Variants in EYA4 observed in about 807,000 individuals in gnomAD.
EYA4 encodes the protein EYA transcriptional coactivator and phosphatase 4.
A neutral mutation model predicts 87.9 loss-of-function variants in EYA4; 31 were observed. That is an observed-to-expected ratio of 0.35 (90% confidence interval 0.27 to 0.48). The LOEUF (loss-of-function observed/expected upper bound fraction) is 0.48. Ranked by LOEUF, EYA4 falls within the 20% of genes least tolerant of loss-of-function variation. The probability of loss-of-function intolerance (pLI) is 0.99; values close to 1 mark genes in which losing one functional copy is unlikely to be tolerated. For missense variants in EYA4, 678 were observed against 761.4 expected, an observed-to-expected ratio of 0.89 and a Z score of 1.29; for synonymous variants, 263 against 270.6, an observed-to-expected ratio of 0.97 and a Z score of 0.28.
chr6:133,279,141 A>G (rs1370084359), intron 2 of EYA4, among the ~76,000 whole-genome samples: 1 of 152,176 alleles, frequency 6.6e-6, no homozygotes, highest in Non-Finnish European at 1.5e-5. Context: ...AGTCTGGCCT[A>G]AATTAATGAT....
intron 1 of EYA4, among the ~76,000 whole-genome samples, chr6:133,243,132 C>T (rs1210351726): frequency 9.5e-6 from 1 of 105,042 alleles, no homozygotes; most frequent in African/African-American, 3.3e-5. Flanking sequence ...TGTACTTGAT[C>T]TGTGAGGAGG....
chr6:133,381,508 G>A (rs1378473043), intron 2 of EYA4, among the ~76,000 whole-genome samples: 2 of 151,114 alleles, frequency 1.3e-5, no homozygotes, highest in African/African-American at 2.4e-5. Context: ...ATTTTTTTTT[G>A]CTTCCAAACC....
chr6:133,475,029 T>C (rs1176011729), intron 11 of EYA4, among the ~76,000 whole-genome samples: 1 of 152,124 alleles, frequency 6.6e-6, no homozygotes, highest in Non-Finnish European at 1.5e-5. Flanking sequence ...ATTACTGTAC[T>C]GATTAAAGGA....
At chr6:133,288,191 G>A (rs942213079) in intron 2 of EYA4, among the ~76,000 whole-genome samples, 2 of 152,130 alleles carry the variant, frequency 1.3e-5, no homozygotes, top group South Asian at 2.1e-4. Context: ...GAAAACAGCT[G>A]TAGACATTAA....
intron 2 of EYA4, among the ~76,000 whole-genome samples, chr6:133,302,715 A>C (rs1345884813): frequency 1.3e-5 from 2 of 152,214 alleles, no homozygotes; most frequent in African/African-American, 4.8e-5. Context: ...AAGATCTTAA[A>C]TCTTCATGAA....
At chr6:133,396,907 C>A (rs1324526966) in intron 3 of EYA4, among the ~76,000 whole-genome samples, 4 of 152,282 alleles carry the variant, frequency 2.6e-5, no homozygotes, top group Admixed American at 6.5e-5. Flanking sequence ...ACCCCAAACT[C>A]CCTGCCGTGT....
intron 3 of EYA4, among the ~76,000 whole-genome samples, chr6:133,431,337 G>T (rs938702120): frequency 6.6e-6 from 1 of 152,152 alleles, no homozygotes; most frequent in Non-Finnish European, 1.5e-5. Flanking sequence ...GGGAGAATAG[G>T]CTGTTCTAGG....
intron 3 of EYA4, among the ~76,000 whole-genome samples, chr6:133,383,068 G>C (rs1786372651): frequency 6.6e-6 from 1 of 152,160 alleles, no homozygotes; most frequent in South Asian, 2.1e-4. Flanking sequence ...CTGCAATTTT[G>C]AATGGATAAG....
intron 2 of EYA4, among the ~76,000 whole-genome samples, chr6:133,309,154 C>T (rs1010956140): frequency 6.6e-6 from 1 of 151,758 alleles, no homozygotes; most frequent in Non-Finnish European, 1.5e-5. Context: ...ATGCTATTGT[C>T]CAATATGATA....
At chr6:133,510,582 G>T in intron 14 of EYA4, 2 of 254,612 alleles carry the variant, frequency 7.9e-6, no homozygotes, top group Non-Finnish European at 1.6e-5. Context: ...GCCTTTACTG[G>T]ATGTTTTTCA....
At chr6:133,261,838 G>C (rs2128243249) in intron 1 of EYA4, among the ~76,000 whole-genome samples, 1 of 152,262 alleles carries the variant, frequency 6.6e-6, no homozygotes, top group South Asian at 2.1e-4. Flanking sequence ...AAAGTGGTCT[G>C]TATTTTTGAA....
At chr6:133,244,011 G>A (rs956770180) in intron 1 of EYA4, among the ~76,000 whole-genome samples, 1 of 152,118 alleles carries the variant, frequency 6.6e-6, no homozygotes, top group Non-Finnish European at 1.5e-5. Context: ...AGTTAAACCC[G>A]TATTTAGGAA....
intron 2 of EYA4, among the ~76,000 whole-genome samples, chr6:133,333,041 C>T (rs1025378770): frequency 2.0e-5 from 3 of 152,088 alleles, no homozygotes; most frequent in Non-Finnish European, 2.9e-5. Context: ...TCATGACATC[C>T]ATTGATTCTT....
At chr6:133,397,485 G>T (rs980048991) in intron 3 of EYA4, among the ~76,000 whole-genome samples, 3 of 152,262 alleles carry the variant, frequency 2.0e-5, no homozygotes, top group South Asian at 2.1e-4. Context: ...TCATGGAAAG[G>T]TTATTTTTTT....
intron 13 of EYA4, among the ~76,000 whole-genome samples, chr6:133,498,493 G>A (rs1042371231): frequency 2.0e-5 from 3 of 152,144 alleles, no homozygotes; most frequent in African/African-American, 7.2e-5. Context: ...CTGGAATACA[G>A]GAAACTGAAT....
intron 1 of EYA4, among the ~76,000 whole-genome samples, chr6:133,264,130 C>T (rs751682016): frequency 1.1e-4 from 17 of 152,160 alleles, no homozygotes; most frequent in Non-Finnish European, 2.4e-4. Flanking sequence ...CAGTGTGAGG[C>T]TGCTGACAGG....
At chr6:133,493,087 A>G (rs1023526885) in intron 13 of EYA4, among the ~76,000 whole-genome samples, 1 of 152,170 alleles carries the variant, frequency 6.6e-6, no homozygotes, top group African/African-American at 2.4e-5. Flanking sequence ...TCTTCACAGA[A>G]AAAAACAATC....
chr6:133,311,176 C>G (rs572454997), intron 2 of EYA4, among the ~76,000 whole-genome samples: 11 of 152,268 alleles, frequency 7.2e-5, no homozygotes, highest in African/African-American at 2.6e-4. Context: ...GTTCTACTGC[C>G]TTCACATCTG....
At chr6:133,346,910 G>T (rs1414561816) in intron 2 of EYA4, among the ~76,000 whole-genome samples, 1 of 151,640 alleles carries the variant, frequency 6.6e-6, no homozygotes, top group Admixed American at 6.6e-5. Flanking sequence ...TTGTTTTAAG[G>T]ATGATGTGTG....
Sources: allele counts gnomAD v4.1 joint callset (sites outside exome capture counted in the v4.1 genomes callset), GRCh38; gene constraint gnomAD v4.1.1; transcripts MANE v1.5; gene names NCBI Gene and HGNC (gene_info 2026-07-23, HGNC 2026-07-21).